Variants in KATNAL2 observed in about 807,000 individuals in gnomAD.
The protein encoded by KATNAL2 is katanin catalytic subunit A1 like 2.
Under a neutral mutation model 76.3 loss-of-function variants are expected in KATNAL2, and 52 were observed. The ratio of observed to expected loss-of-function variants is 0.68; its 90% CI spans 0.55 to 0.86. The LOEUF is 0.86. KATNAL2 is among the 40% of genes least tolerant of loss of function. KATNAL2 has a pLI of 0.00. For missense variants in KATNAL2, 660 were observed against 668.9 expected (o/e 0.99, Z 0.15); for synonymous variants, 243 against 244.2 (o/e 1.00, Z 0.05).
At chr18:46,934,243 A>G (rs183144946) in intron 1 of KATNAL2, among the ~76,000 whole-genome samples, 39 of 152,224 alleles carry the variant, frequency 2.6e-4, no homozygotes, top group Admixed American at 2.4e-3. Context: ...ACAATGGTTG[A>G]ACTAGTTTAC....
intron 3 of KATNAL2, among the ~76,000 whole-genome samples, chr18:46,967,433 C>G (rs1247208652): frequency 4.2e-5 from 5 of 119,776 alleles, no homozygotes; most frequent in East Asian, 2.2e-4. Flanking sequence ...ATTTCTCTCT[C>G]TATCCCTCAC....
At chr18:47,069,338 G>C in intron 12 of KATNAL2, 55 bp downstream of exon 12, 1 of 1,486,916 alleles carries the variant, frequency 6.7e-7, no homozygotes, top group South Asian at 1.2e-5. Context: ...CAGAGGATGA[G>C]TTGCCCCTTC....
rs748779768 is a variant in KATNAL2 at position 47,035,239 on chromosome 18, T to C, written c.52-11218T>C. On this transcript the variant is annotated intron_variant, in intron 3 of 17. Transcript: ENST00000683218. ...ACGCACCTGCAGCTTCTCCACTGCG[T>C]GCAGCGTAGTGGACCCTGCCGCCAT... The C allele has an allele frequency of 1.7e-4, 275 of 1,612,736 alleles. 1 individual carries two copies. The highest frequency in any genetic ancestry group is 3.1e-4 in the African/African-American group (23 of 75,004).
At chr18:47,088,038 C>T (rs1348900849) in intron 15 of KATNAL2, among the ~76,000 whole-genome samples, 2 of 152,144 alleles carry the variant, frequency 1.3e-5, no homozygotes, top group Admixed American at 6.5e-5. Flanking sequence ...CTGGGCTCCA[C>T]GGACACTCTA....
At chr18:46,921,641 G>A (rs931342269) in intron 1 of KATNAL2, among the ~76,000 whole-genome samples, 1 of 150,992 alleles carries the variant, frequency 6.6e-6, no homozygotes, top group African/African-American at 2.4e-5. Flanking sequence ...TAAATTTTTT[G>A]TATCTAAACA....
chr18:46,936,279 T>C (rs1459968470), intron 1 of KATNAL2, among the ~76,000 whole-genome samples: 2 of 152,218 alleles, frequency 1.3e-5, no homozygotes, highest in African/African-American at 4.8e-5. Flanking sequence ...ACGTGGATTA[T>C]TTGTAAAAGT....
intron 1 of KATNAL2, among the ~76,000 whole-genome samples, chr18:46,933,876 C>T (rs1442772516): frequency 6.8e-6 from 1 of 146,820 alleles, no homozygotes; most frequent in South Asian, 2.2e-4. Context: ...CAATTCCCAC[C>T]TATGAGTGAG....
chr18:46,948,874 T>C (rs749347498), intron 3 of KATNAL2, among the ~76,000 whole-genome samples: 5 of 149,904 alleles, frequency 3.3e-5, no homozygotes, highest in Non-Finnish European at 7.4e-5. Context: ...ACTGGGGTGT[T>C]GCAAGTATCT....
intron 6 of KATNAL2, among the ~76,000 whole-genome samples, chr18:47,056,170 C>T (rs2147114154): frequency 6.6e-6 from 1 of 152,114 alleles, no homozygotes; most frequent in Non-Finnish European, 1.5e-5. Context: ...CTTGGCAATT[C>T]CAGAGATGGG....
chr18:47,078,181 A>G (rs1393548314), intron 15 of KATNAL2, among the ~76,000 whole-genome samples: 1 of 152,182 alleles, frequency 6.6e-6, no homozygotes, highest in Non-Finnish European at 1.5e-5. Context: ...AGAGAGGTCA[A>G]TCCACCAACA....
chr18:47,033,644 G>A (rs1427162391), intron 3 of KATNAL2: 5 of 1,614,198 alleles, frequency 3.1e-6, no homozygotes, highest in Non-Finnish European at 4.2e-6. Flanking sequence ...AGGGCGTCCG[G>A]ATTGTTTCTA....
At chr18:47,085,556 T>C (rs1231349956) in intron 15 of KATNAL2, among the ~76,000 whole-genome samples, 1 of 152,076 alleles carries the variant, frequency 6.6e-6, no homozygotes, top group Non-Finnish European at 1.5e-5. Context: ...AGAGATGTCT[T>C]TTAAAGTTTT....
At chr18:47,031,057 T>C in intron 3 of KATNAL2, among the ~76,000 whole-genome samples, 1 of 73,408 alleles carries the variant, frequency 1.4e-5, no homozygotes, top group African/African-American at 4.7e-5. Context: ...ACCTCTGCTC[T>C]TGACTGCTCC....
intron 15 of KATNAL2, among the ~76,000 whole-genome samples, chr18:47,091,729 T>C (rs1408219628): frequency 6.6e-5 from 10 of 152,168 alleles, no homozygotes; most frequent in Non-Finnish European, 2.9e-5. Flanking sequence ...TTCCACATCA[T>C]CTACAAGACT....
intron 4 of KATNAL2, among the ~76,000 whole-genome samples, chr18:47,050,699 G>A (rs1423413935): frequency 6.6e-6 from 1 of 152,206 alleles, no homozygotes; most frequent in East Asian, 1.9e-4. Flanking sequence ...GTATTTTTAA[G>A]GACATATGAG....
chr18:47,080,804 T>A (rs2062471357), intron 15 of KATNAL2, among the ~76,000 whole-genome samples: 1 of 152,258 alleles, frequency 6.6e-6, no homozygotes, highest in Admixed American at 6.5e-5. Context: ...CATCTTTTCA[T>A]GTCCTTATGG....
intron 1 of KATNAL2, among the ~76,000 whole-genome samples, chr18:46,929,196 C>T (rs1293306258): frequency 1.3e-5 from 2 of 151,510 alleles, no homozygotes; most frequent in Non-Finnish European, 2.9e-5. Flanking sequence ...TTTTTAAATT[C>T]AGCATAAATT....
chr18:46,949,724 A>G (rs893595388), intron 3 of KATNAL2, among the ~76,000 whole-genome samples: 3 of 152,230 alleles, frequency 2.0e-5, no homozygotes, highest in Admixed American at 6.5e-5. Context: ...CAAGAGGAAG[A>G]CATCAGCAAA....
chr18:46,919,417 C>T (rs1382426991), intron 1 of KATNAL2, among the ~76,000 whole-genome samples: 1 of 151,654 alleles, frequency 6.6e-6, no homozygotes, highest in Admixed American at 6.6e-5. Flanking sequence ...ACCCTGGAGG[C>T]GGAGGTTCCA....
Sources: gnomAD v4.1 joint callset for allele counts (sites outside exome capture counted in the v4.1 genomes callset) on GRCh38, gnomAD v4.1.1 for gene constraint, MANE v1.5 for transcripts, NCBI Gene and HGNC (gene_info 2026-07-23, HGNC 2026-07-21) for gene names.